Variants in CASP5 observed in about 807,000 individuals in gnomAD.
CASP5 encodes caspase-5.
CASP5 carries 42 observed loss-of-function variants against 45.2 expected under a neutral mutation model. The observed-to-expected ratio is 0.93, with a 90% CI of 0.73 to 1.20. The LOEUF (loss-of-function observed/expected upper bound fraction) is 1.20, where lower values mean the gene tolerates loss of function less well. Among genes scored for constraint, CASP5 ranks in the 50% most tolerant of loss-of-function variants. The probability of loss-of-function intolerance (pLI) is 0.00; values close to 1 mark genes in which losing one functional copy is unlikely to be tolerated. For missense variants in CASP5, 512 were observed against 532.2 expected (o/e 0.96, Z 0.37); for synonymous variants, 209 against 186.2 (o/e 1.12, Z -1.00).
intron 1 of CASP5, among the ~76,000 whole-genome samples, chr11:105,012,138 C>T (rs1296097307): frequency 6.6e-6 from 1 of 151,592 alleles, no homozygotes; most frequent in Non-Finnish European, 1.5e-5. Context: ...CAGTTATTTA[C>T]AGTAAATTTA....
intron 3 of CASP5, among the ~76,000 whole-genome samples, chr11:105,005,319 C>G (rs1861947339): frequency 6.6e-6 from 1 of 151,036 alleles, no homozygotes; most frequent in Non-Finnish European, 1.5e-5. Flanking sequence ...TATCTCCTGA[C>G]TAAATCAGAT....
intron 1 of CASP5, among the ~76,000 whole-genome samples, chr11:105,020,902 C>A (rs112218367): frequency 6.6e-6 from 1 of 152,104 alleles, no homozygotes; most frequent in African/African-American, 2.4e-5. Context: ...TACCTGACTT[C>A]AAACTATACT....
At chr11:105,011,257 C>A (rs920153263) in intron 1 of CASP5, among the ~76,000 whole-genome samples, 2 of 151,688 alleles carry the variant, frequency 1.3e-5, no homozygotes, top group African/African-American at 4.8e-5. Flanking sequence ...ATAGTTTTGA[C>A]TGAATGAATA....
At chr11:105,010,342 A>C (rs1354299967) in intron 1 of CASP5, among the ~76,000 whole-genome samples, 1 of 145,046 alleles carries the variant, frequency 6.9e-6, no homozygotes, top group African/African-American at 2.6e-5. Context: ...TTATATCATG[A>C]GTAATTATCA....
chr11:104,997,879 C>T (rs576463330), intron 7 of CASP5, among the ~76,000 whole-genome samples: 1 of 152,274 alleles, frequency 6.6e-6, no homozygotes, highest in South Asian at 2.1e-4. Context: ...CAACAAAAAA[C>T]TACCGTCGGG....
At chr11:105,009,487 C>A (rs1862165293) in intron 1 of CASP5, among the ~76,000 whole-genome samples, 1 of 151,352 alleles carries the variant, frequency 6.6e-6, no homozygotes, top group African/African-American at 2.4e-5. Flanking sequence ...CAATTTTCTG[C>A]TCAAAATGCT....
In CASP5 at chr11:104,997,313, G is replaced by A. The variant is rs542455828; in HGVS notation, c.1206+70C>T. 1.6e-5 allele frequency: 18 copies of A among 1,096,220 alleles called. No individual in the cohort carries two copies. The Middle Eastern group carries it at 1.0e-3, about 61-fold the overall frequency. 67.9% of individuals were successfully genotyped at this position (1,096,220 alleles called of 1,614,324 possible). ...CTGAAAAACTGTGTCATTTTTATTC[G>A]ATTAGTGAATAATGATAAATTCTTT... is the stretch of plus-strand genomic sequence containing the variant. On this transcript the variant is annotated intron_variant, in intron 8 of 9. Coordinates refer to ENST00000260315, the MANE Select transcript of CASP5 (RefSeq NM_004347.5).
chr11:105,013,125 T>C (rs984847735), intron 1 of CASP5, among the ~76,000 whole-genome samples: 5 of 151,922 alleles, frequency 3.3e-5, no homozygotes, highest in Non-Finnish European at 7.4e-5. Context: ...ACAACATTGA[T>C]TAACATGGAT....
intron 1 of CASP5, among the ~76,000 whole-genome samples, chr11:105,019,205 A>G (rs1862805363): frequency 1.3e-5 from 2 of 151,292 alleles, no homozygotes; most frequent in South Asian, 4.2e-4. Context: ...AGAAAGCAGG[A>G]AAGATCCAAA....
intron 8 of CASP5, 26 bp from the exon 9 acceptor site, chr11:104,995,868 T>C (rs1219692558): frequency 6.8e-7 from 1 of 1,470,826 alleles, no homozygotes; most frequent in East Asian, 2.3e-5. Context: ...GTAGATGAGA[T>C]ATGAGGGATT....
At position 105,003,341 on chromosome 11, in the gene CASP5, G is replaced by C. The variant is rs894001761; in HGVS notation, c.476C>G (p.Ser159Cys). The C allele has an allele frequency of 6.2e-7, 1 of 1,604,432 alleles. No individual in the cohort carries two copies. Among genetic ancestry groups the C allele is most frequent in the Non-Finnish European group, 8.5e-7 (1 of 1,176,374 alleles). Residue 159 changes from serine (S) to cysteine (C), a missense_variant, in exon 4 of 10, where the codon TCT becomes TGT. By Grantham distance (112) the Ser-to-Cys change is moderately radical (BLOSUM62 -1). Coordinates refer to ENST00000260315, the MANE Select transcript of CASP5 (RefSeq NM_004347.5). Reference protein sequence around the residue: ...IEAGPPESAESTNILKLCPRE... With the variant: ...IEAGPPESAECTNILKLCPRE... ...AGGACAAAGTTTGAGTATATTTGTA[G>C]ATTCTGCTGACTCAGGTGGTCCAGC...
chr11:105,003,994 G>T (rs1201791701), intron 3 of CASP5, among the ~76,000 whole-genome samples: 3 of 151,958 alleles, frequency 2.0e-5, no homozygotes, highest in African/African-American at 7.3e-5. Context: ...TCCCCTCCTA[G>T]TTCACACCAC....
intron 6 of CASP5, among the ~76,000 whole-genome samples, chr11:104,999,634 C>T (rs931270430): frequency 6.6e-6 from 1 of 152,146 alleles, no homozygotes. Context: ...TGCTTTGTCT[C>T]TAGTGTCATT....
At position 105,008,961 on chromosome 11, in the gene CASP5, T is replaced by C; in HGVS notation, c.27A>G (p.Lys9=). MAEDSGKK[K]RRKNFEAMFK... ...ACATAGCTTCAAAATTCTTACGCCTTTTTTTTTTGCCACTGTCTTCTATCA... is the reference window on the plus strand; with the variant it reads ...ACATAGCTTCAAAATTCTTACGCCTCTTTTTTTTGCCACTGTCTTCTATCA... Residue 9 remains lysine (K), a synonymous_variant, in exon 2 of 10, where the codon AAA becomes AAG. Coordinates refer to ENST00000260315, the MANE Select transcript of CASP5 (RefSeq NM_004347.5). 1 of 1,588,314 alleles carries C rather than the reference T, an allele frequency of 6.3e-7. No individual in the cohort carries two copies. The highest frequency in any genetic ancestry group is 8.6e-7 in the Non-Finnish European group (1 of 1,162,586).
chr11:104,995,681 C>A, intron 9 of CASP5, 59 bp downstream of exon 9: 1 of 1,119,904 alleles, frequency 8.9e-7, no homozygotes, highest in Non-Finnish European at 1.3e-6. Context: ...GGTCATTGAA[C>A]TTCACCACCG....
intron 5 of CASP5, 91 bp downstream of exon 5, chr11:105,001,937 T>C: frequency 7.4e-7 from 1 of 1,345,110 alleles, no homozygotes; most frequent in South Asian, 1.4e-5. Context: ...CAGAGGTTGT[T>C]AAACCTTGTT....
intron 1 of CASP5, among the ~76,000 whole-genome samples, chr11:105,016,761 G>A (rs1176223778): frequency 6.6e-6 from 1 of 152,124 alleles, no homozygotes; most frequent in Non-Finnish European, 1.5e-5. Context: ...GCTTGCTTAG[G>A]TAAACAAAGC....
At chr11:104,994,568 G>A (rs11607824) in intron 9 of CASP5, among the ~76,000 whole-genome samples, 1 of 152,160 alleles carries the variant, frequency 6.6e-6, no homozygotes, top group Non-Finnish European at 1.5e-5. Context: ...GCACTGGAAG[G>A]GTTTCCTATC....
At chr11:105,002,977 T>C (rs1298635685) in intron 4 of CASP5, among the ~76,000 whole-genome samples, 1 of 151,970 alleles carries the variant, frequency 6.6e-6, no homozygotes, top group Non-Finnish European at 1.5e-5. Context: ...GCTGTGGATC[T>C]CATGAAGATA....
Sources: allele counts gnomAD v4.1 joint callset (sites outside exome capture counted in the v4.1 genomes callset), GRCh38; gene constraint gnomAD v4.1.1; transcripts MANE v1.5; gene names NCBI Gene and HGNC (gene_info 2026-07-23, HGNC 2026-07-21).